Variants in MEGF6 observed in about 807,000 individuals in gnomAD.
MEGF6 encodes multiple EGF like domains 6.
Under a neutral mutation model 207.1 loss-of-function variants are expected in MEGF6, and 184 were observed. That is an observed-to-expected ratio of 0.89 (90% CI 0.79 to 1.00). The LOEUF is 1.00. Among genes scored for constraint, MEGF6 ranks in the 50% least tolerant of loss-of-function variants. The pLI, the probability that MEGF6 is intolerant of heterozygous loss-of-function variation, is 0.00. For missense variants in MEGF6, 2,282 were observed against 2,202.9 expected (o/e 1.04, Z -0.72); for synonymous variants, 1,038 against 910.0 (o/e 1.14, Z -2.53).
intron 2 of MEGF6, among the ~76,000 whole-genome samples, chr1:3,600,007 G>A (rs1339701569): frequency 6.6e-6 from 1 of 152,164 alleles, no homozygotes; most frequent in Non-Finnish European, 1.5e-5. Context: ...ATGAAACCAC[G>A]AGCCTCCCAT....
In MEGF6 at chr1:3,506,007, C is replaced by T. The variant is rs1641100083; in HGVS notation, c.1918+101G>A. 3.5e-6 allele frequency: 5 copies of T among 1,444,628 alleles called. No individual in the cohort carries two copies. In the African/African-American group the frequency reaches 4.3e-5, roughly 12 times the overall value. The allele number at this position is 1,444,628 out of a possible 1,614,324, so 89.5% of individuals were successfully genotyped here. A position where few individuals can be genotyped will look rare whatever the true frequency, so the allele number is the denominator to read the frequency against. On this transcript the variant is annotated intron_variant, in intron 15 of 36. Coordinates refer to ENST00000356575, the MANE Select transcript of MEGF6 (RefSeq NM_001409.4). ...CCCAGTGGGTGACCTGGCTGGGCCC[C>T]GATAGCCTCATCCTAACCCAGACTA...
rs201212359 is a variant in MEGF6, at chr1:3,499,942, G to A, written c.2708-18C>T. ...GGGACACTCTGAGATATGCAGCCCC[G>A]GCCCACAGTCAGCCAGAGGGCCAGG... On this transcript the variant is annotated intron_variant, in intron 21 of 36. Coordinates refer to ENST00000356575, the MANE Select transcript of MEGF6 (RefSeq NM_001409.4). The A allele has an allele frequency of 1.8e-3, 2,849 of 1,546,826 alleles. 2 individuals carry two copies. The highest frequency in any genetic ancestry group is 2.3e-3 in the Non-Finnish European group (2,594 of 1,146,268).
rs1014971290 is a variant in MEGF6 at position 3,498,916 on chromosome 1, G to A, written c.3095-90C>T. The A allele has an allele frequency of 1.0e-5, 15 of 1,501,034 alleles. No individual in the cohort carries two copies. In the African/African-American group the frequency reaches 2.1e-4, roughly 21 times the overall value. The allele number at this position is 1,501,034 out of a possible 1,614,324, so 93.0% of individuals were successfully genotyped here. ...GCTTTCCAGCCCCATGTTGGACTTT[G>A]GGGTCAGGCACCTTGCAGGGGGCTG... On this transcript the variant is annotated intron_variant, in intron 24 of 36. Coordinates refer to ENST00000356575, the MANE Select transcript of MEGF6 (RefSeq NM_001409.4).
Position 3,488,875 on chromosome 1 carries a change from G to A in MEGF6, c.*1653C>T, listed in dbSNP as rs908845173. On this transcript the variant is annotated 3_prime_UTR_variant, in exon 37 of 37. Transcript: ENST00000356575. ...ATCATTCACCTTTAGATCTGAGAAC[G>A]TCTTGGTCGTCGTTGCTTCATGTCA... 2.6e-5 allele frequency among the ~76,000 whole-genome samples: 4 copies of A among 152,246 alleles called. No individual in the cohort carries two copies. Among genetic ancestry groups the A allele is most frequent in the Admixed American group, 1.3e-4 (2 of 15,296 alleles).
intron 5 of MEGF6, among the ~76,000 whole-genome samples, chr1:3,516,270 T>C (rs1641538658): frequency 6.6e-6 from 1 of 152,218 alleles, no homozygotes; most frequent in Admixed American, 6.5e-5. Flanking sequence ...TGGGCCAGGC[T>C]GGGCACCCAG....
intron 4 of MEGF6, among the ~76,000 whole-genome samples, chr1:3,555,725 T>C (rs2101614684): frequency 6.6e-6 from 1 of 152,234 alleles, no homozygotes; most frequent in South Asian, 2.1e-4. Context: ...GTCAGGTGCC[T>C]GCTGCCGCTC....
chr1:3,532,201 T>G (rs1642199797), intron 4 of MEGF6, among the ~76,000 whole-genome samples: 1 of 152,186 alleles, frequency 6.6e-6, no homozygotes, highest in African/African-American at 2.4e-5. Context: ...GGGGAGGCAG[T>G]CCTCCCAGGG....
intron 4 of MEGF6, chr1:3,531,592 C>G (rs1034447535): frequency 4.2e-6 from 3 of 716,280 alleles, no homozygotes; most frequent in Admixed American, 6.0e-5. Context: ...TGCGCGCTCC[C>G]GGACCCGGAC....
At chr1:3,505,642 C>T (rs931294129) in intron 15 of MEGF6, 86 bp from the exon 16 acceptor site, 24 of 1,443,986 alleles carry the variant, frequency 1.7e-5, no homozygotes, top group East Asian at 5.0e-5. Flanking sequence ...TCAGCCAGGA[C>T]GACAGCCAAG....
chr1:3,530,434 C>T (rs1450202109), intron 4 of MEGF6, among the ~76,000 whole-genome samples: 1 of 152,174 alleles, frequency 6.6e-6, no homozygotes, highest in Admixed American at 6.5e-5. Context: ...CCAATTCCAC[C>T]CCCTCCTCCA....
At chr1:3,500,567 A>ATATGTGTG (rs1640813992) in intron 21 of MEGF6, 66 bp downstream of exon 21, 46 of 1,488,650 alleles carry the variant, frequency 3.1e-5, no homozygotes, top group Non-Finnish European at 4.1e-5. Context: ...GTGTGTGTGC[A>ATATGTGTG]CGTGTGCATA....
intron 3 of MEGF6, among the ~76,000 whole-genome samples, chr1:3,587,577 G>A (rs1239182960): frequency 6.6e-6 from 1 of 152,250 alleles, no homozygotes; most frequent in Non-Finnish European, 1.5e-5. Flanking sequence ...TGACTACAGA[G>A]TGAACCGGAA....
At chr1:3,624,212 T>TC in the MEGF6 span, 1 of 152,410 alleles carries the variant, frequency 6.6e-6, no homozygotes, top group Non-Finnish European at 1.5e-5. Context: ...TGCGCCTCCT[T>TC]CCCGCAGCCT....
At chr1:3,598,319 C>A (rs1036806866) in intron 2 of MEGF6, among the ~76,000 whole-genome samples, 1 of 151,854 alleles carries the variant, frequency 6.6e-6, no homozygotes, top group Non-Finnish European at 1.5e-5. Flanking sequence ...GGCCGGCCGG[C>A]GGGCGGGCCG....
At chr1:3,571,694 G>A (rs1643498432) in intron 4 of MEGF6, among the ~76,000 whole-genome samples, 1 of 148,832 alleles carries the variant, frequency 6.7e-6, no homozygotes, top group African/African-American at 2.6e-5. Context: ...TTCCTTCCTG[G>A]CGTGCTGGGT....
chr1:3,600,100 G>A (rs931347034), intron 2 of MEGF6, among the ~76,000 whole-genome samples: 12 of 152,104 alleles, frequency 7.9e-5, no homozygotes, highest in South Asian at 2.1e-4. Flanking sequence ...GGGCTGCAGC[G>A]CCAGGAGCCT....
At chr1:3,531,282 C>T (rs1426205097) in intron 4 of MEGF6, 1 of 1,315,188 alleles carries the variant, frequency 7.6e-7, no homozygotes, top group East Asian at 3.2e-5. Flanking sequence ...GGGCGAGGAC[C>T]AACCGCGCTG....
the MEGF6 span, among the ~76,000 whole-genome samples, chr1:3,618,967 CCT>C: frequency 3.3e-5 from 5 of 152,218 alleles, no homozygotes; most frequent in Non-Finnish European, 7.3e-5. This position sits in a 1 kb window ranked among gnomAD's most constrained non-coding sequence, Gnocchi z 4.7. Context: ...CACGTGGCCC[CCT>C]GACTCCCACA....
At chr1:3,568,226 G>A (rs1344639350) in intron 4 of MEGF6, among the ~76,000 whole-genome samples, 1 of 152,140 alleles carries the variant, frequency 6.6e-6, no homozygotes, top group African/African-American at 2.4e-5. Context: ...GGTGAAGTGT[G>A]CAGGACCTGC....
Sources: gnomAD v4.1 joint callset for allele counts (sites outside exome capture counted in the v4.1 genomes callset) on GRCh38, gnomAD v4.1.1 for gene constraint, Gnocchi (gnomAD v3.1) non-coding constraint, MANE v1.5 for transcripts, NCBI Gene and HGNC (gene_info 2026-07-23, HGNC 2026-07-21) for gene names.